The following GPHN variants were observed in gnomAD, a reference collection of about 807,000 sequenced individuals.
GPHN encodes the protein gephyrin.
GPHN carries 17 observed loss-of-function variants against 95.5 expected under a neutral mutation model. That is an observed-to-expected ratio of 0.18 (90% CI 0.12 to 0.27). The LOEUF is 0.27. GPHN is among the 10% of genes least tolerant of loss of function. The probability of loss-of-function intolerance (pLI) is 1.00; values close to 1 mark genes in which losing one functional copy is unlikely to be tolerated. For synonymous variants in GPHN, 320 were observed against 322.5 expected (o/e 0.99, Z 0.08); for missense variants, 660 against 978.1 (o/e 0.67, Z 4.34).
intron 8 of GPHN, among the ~76,000 whole-genome samples, chr14:66,961,915 T>TATATATATAC (rs1567155639): frequency 1.6e-5 from 1 of 62,466 alleles, no homozygotes; most frequent in Non-Finnish European, 2.8e-5. Flanking sequence ...TATATATATA[T>TATATATATAC]ATATATATAT....
At chr14:67,279,732 G>T in the GPHN span, 3 of 461,602 alleles carry the variant, frequency 6.5e-6, no homozygotes, top group South Asian at 1.7e-4. Context: ...AAAGCATGTG[G>T]CTTAAATGTT....
chr14:66,729,030 A>G (rs1181997713), intron 2 of GPHN, among the ~76,000 whole-genome samples: 1 of 152,164 alleles, frequency 6.6e-6, no homozygotes, highest in Admixed American at 6.5e-5. Flanking sequence ...GTGATAGTGA[A>G]TAAGTCTCAG....
At chr14:66,690,068 T>G (rs2067672939) in intron 2 of GPHN, among the ~76,000 whole-genome samples, 1 of 152,022 alleles carries the variant, frequency 6.6e-6, no homozygotes, top group South Asian at 2.1e-4. Flanking sequence ...TGGATATTTT[T>G]TATTTTTTCT....
intron 4 of GPHN, among the ~76,000 whole-genome samples, chr14:66,870,804 T>C (rs925351942): frequency 2.6e-5 from 4 of 152,156 alleles, no homozygotes; most frequent in African/African-American, 7.2e-5. Context: ...CTAGTTATGA[T>C]ACTTGAAAGG....
chr14:67,117,083 T>A (rs2078740096), intron 16 of GPHN, among the ~76,000 whole-genome samples: 1 of 152,174 alleles, frequency 6.6e-6, no homozygotes, highest in Non-Finnish European at 1.5e-5. Context: ...AGAAAGAAAG[T>A]GAGATGATTA....
the GPHN span, chr14:67,725,137 G>C: frequency 1.2e-6 from 2 of 1,614,030 alleles, no homozygotes; most frequent in Admixed American, 1.7e-5. Context: ...TGTACTGAAG[G>C]GGGAGTCTGC....
At chr14:67,627,256 G>GATAGATATATATATAT in the GPHN span, among the ~76,000 whole-genome samples, 1 of 133,750 alleles carries the variant, frequency 7.5e-6, no homozygotes, top group African/African-American at 3.0e-5. Context: ...TCAGTAAGGA[G>GATAGATATATATATAT]ATATATATAT....
chr14:67,041,804 C>A (rs1159115848), intron 10 of GPHN, among the ~76,000 whole-genome samples: 1 of 152,230 alleles, frequency 6.6e-6, no homozygotes, highest in African/African-American at 2.4e-5. Flanking sequence ...CTGTCTTCCA[C>A]AATGGTTGAA....
At chr14:67,398,137 T>G in the GPHN span, 2 of 235,180 alleles carry the variant, frequency 8.5e-6, no homozygotes, top group African/African-American at 2.2e-5. Flanking sequence ...TTGTATTTCC[T>G]TCCGGTCTTT....
chr14:67,151,901 C>T (rs922690771), intron 18 of GPHN, among the ~76,000 whole-genome samples: 1 of 152,142 alleles, frequency 6.6e-6, no homozygotes, highest in African/African-American at 2.4e-5. Flanking sequence ...GCCTCAGCCT[C>T]CCAGAGTGCT....
chr14:66,806,173 A>C (rs1352651537), intron 3 of GPHN, among the ~76,000 whole-genome samples: 1 of 152,200 alleles, frequency 6.6e-6, no homozygotes, highest in Non-Finnish European at 1.5e-5. Flanking sequence ...CTCTGAAGCC[A>C]CAGCTTGAGC....
chr14:66,913,948 A>C (rs1009109270), intron 5 of GPHN, among the ~76,000 whole-genome samples: 1 of 152,156 alleles, frequency 6.6e-6, no homozygotes, highest in Admixed American at 6.5e-5. Context: ...TGGACATTCT[A>C]TAGATGAAAA....
At chr14:66,594,329 A>G (rs1323335600) in intron 1 of GPHN, among the ~76,000 whole-genome samples, 1 of 152,162 alleles carries the variant, frequency 6.6e-6, no homozygotes, top group Non-Finnish European at 1.5e-5. Flanking sequence ...TAAAATTTGT[A>G]TGACATCACA....
At chr14:67,054,111 G>C (rs552658461) in intron 10 of GPHN, among the ~76,000 whole-genome samples, 1 of 152,152 alleles carries the variant, frequency 6.6e-6, no homozygotes, top group African/African-American at 2.4e-5. Flanking sequence ...ATTCTGGCCA[G>C]GGCAATCAGG....
intron 1 of GPHN, among the ~76,000 whole-genome samples, chr14:66,551,775 G>A (rs568199892): frequency 6.6e-6 from 1 of 152,300 alleles, no homozygotes; most frequent in South Asian, 2.1e-4. Context: ...AGAGCAGGAG[G>A]AAGAGAAAGA....
intron 9 of GPHN, among the ~76,000 whole-genome samples, chr14:66,994,117 G>A (rs1276155471): frequency 1.3e-5 from 2 of 152,100 alleles, no homozygotes; most frequent in Non-Finnish European, 2.9e-5. Context: ...TGTAATTCCA[G>A]CACTTTGGGA....
chr14:67,637,230 C>A, the GPHN span, among the ~76,000 whole-genome samples: 45 of 151,592 alleles, frequency 3.0e-4, no homozygotes, highest in Non-Finnish European at 5.5e-4. Context: ...ACCAACATGG[C>A]GAAACCTCGT....
intron 4 of GPHN, among the ~76,000 whole-genome samples, chr14:66,866,752 T>C (rs1160040044): frequency 2.6e-5 from 4 of 152,160 alleles, no homozygotes; most frequent in Non-Finnish European, 4.4e-5. Context: ...AGCATTGAAA[T>C]AAATTCTTTG....
At chr14:67,426,560 T>C in the GPHN span, among the ~76,000 whole-genome samples, 1 of 152,250 alleles carries the variant, frequency 6.6e-6, no homozygotes, top group Non-Finnish European at 1.5e-5. Flanking sequence ...GTGTGGATAA[T>C]GTCTATTTTT....
Sources: gnomAD v4.1 joint callset for allele counts (sites outside exome capture counted in the v4.1 genomes callset) on GRCh38, gnomAD v4.1.1 for gene constraint, MANE v1.5 for transcripts, NCBI Gene and HGNC (gene_info 2026-07-23, HGNC 2026-07-21) for gene names.